SPSB1: variants seen among roughly 807,000 people sequenced by gnomAD.
The protein encoded by SPSB1 is SPRY domain-containing SOCS box protein 1.
Under a neutral mutation model 21.2 loss-of-function variants are expected in SPSB1, and 8 were observed. The observed-to-expected ratio is 0.38, with a 90% CI of 0.22 to 0.68. The LOEUF (loss-of-function observed/expected upper bound fraction) is 0.68, where lower values mean the gene tolerates loss of function less well. Among genes scored for constraint, SPSB1 ranks in the 30% least tolerant of loss-of-function variants. The pLI is 0.53. For missense variants in SPSB1, 242 were observed against 377.8 expected (o/e 0.64, Z 2.98); for synonymous variants, 169 against 161.7 (o/e 1.05, Z -0.34).
chr1:9,323,806 A>G (rs76009333), intron 1 of SPSB1, among the ~76,000 whole-genome samples: 1,845 of 152,234 alleles, frequency 0.012, 36 homozygotes, highest in African/African-American at 0.041. Context: ...GGTCATGAGG[A>G]ATACATTTCT....
At chr1:9,336,705 G>A (rs1344649370) in intron 1 of SPSB1, among the ~76,000 whole-genome samples, 1 of 152,200 alleles carries the variant, frequency 6.6e-6, no homozygotes. Flanking sequence ...GCTCGGGCAG[G>A]TCCCTCACTC....
At chr1:9,337,698 C>T (rs1640026475) in intron 1 of SPSB1, among the ~76,000 whole-genome samples, 1 of 152,224 alleles carries the variant, frequency 6.6e-6, no homozygotes, top group Admixed American at 6.5e-5. Flanking sequence ...GACTCCCTGG[C>T]CACCGGGGCC....
chr1:9,313,680 G>A (rs1639562416), intron 1 of SPSB1, among the ~76,000 whole-genome samples: 1 of 152,230 alleles, frequency 6.6e-6, no homozygotes, highest in Non-Finnish European at 1.5e-5. Flanking sequence ...GAGGGGTCGA[G>A]TGAGCACAGG....
Position 9,367,726 on chromosome 1 carries a change from C to T in SPSB1, c.*151C>T, listed in dbSNP as rs1003561281. On this transcript the variant is annotated 3_prime_UTR_variant, in exon 3 of 3. Coordinates refer to ENST00000328089, the MANE Select transcript of SPSB1 (RefSeq NM_025106.4). This position sits in a 1 kb window ranked among gnomAD's most constrained non-coding sequence, Gnocchi z 5.9. ...TTCCCTCATCCTCCGTGGCTGCCTCCATGGGACAAGGACCGATTCCAACAC... is the reference window on the plus strand; with the variant it reads ...TTCCCTCATCCTCCGTGGCTGCCTCTATGGGACAAGGACCGATTCCAACAC... 2 of 1,248,076 alleles carry T rather than the reference C, an allele frequency of 1.6e-6. No individual in the cohort carries two copies. The highest frequency in any genetic ancestry group is 3.1e-5 in the South Asian group (2 of 63,748). 77.3% of individuals were successfully genotyped at this position (1,248,076 alleles called of 1,614,324 possible).
Position 9,321,469 on chromosome 1 carries a change from A to G in SPSB1, c.-150+28398A>G, listed in dbSNP as rs1437927853. Among the ~76,000 whole-genome samples, 1 of 152,132 alleles carries G rather than the reference A, an allele frequency of 6.6e-6. No homozygotes were observed. The highest frequency in any genetic ancestry group is 1.5e-5 in the Non-Finnish European group (1 of 68,032). ...TCGTCACCTTGGTGCCCGATAGAGA[A>G]GTGTCTCAGCAGTTCTGTTCTCCAG... is the stretch of plus-strand genomic sequence containing the variant. On this transcript the variant is annotated intron_variant, in intron 1 of 2. Transcript: ENST00000328089. This position sits in a 1 kb window ranked among gnomAD's most constrained non-coding sequence, Gnocchi z 4.8.
At chr1:9,311,835 A>G (rs192276609) in intron 1 of SPSB1, among the ~76,000 whole-genome samples, 54 of 152,092 alleles carry the variant, frequency 3.6e-4, no homozygotes, top group Non-Finnish European at 7.4e-4. Context: ...CCTGGGGGGT[A>G]TGAATTTTCT....
intron 2 of SPSB1, among the ~76,000 whole-genome samples, chr1:9,357,818 G>A (rs1037383136): frequency 1.3e-5 from 2 of 152,160 alleles, no homozygotes; most frequent in Admixed American, 6.5e-5. Context: ...AGGGCCTGGC[G>A]TTGCAGAACG....
At position 9,317,919 on chromosome 1, in the gene SPSB1, G is replaced by A. The variant is rs541996099; in HGVS notation, c.-150+24848G>A. ...TTCTTGCTTCCTTGGCACACCATTC[G>A]CTCCGCGAGTTTGTTAAGGGCCCCT... On this transcript the variant is annotated intron_variant, in intron 1 of 2. Coordinates refer to ENST00000328089, the MANE Select transcript of SPSB1 (RefSeq NM_025106.4). This position sits in a 1 kb window ranked among gnomAD's most constrained non-coding sequence, Gnocchi z 4.3. 2.7e-5 allele frequency among the ~76,000 whole-genome samples: 4 copies of A among 149,332 alleles called. No individual in the cohort carries two copies. The highest frequency in any genetic ancestry group is 5.9e-5 in the Non-Finnish European group (4 of 67,804).
intron 1 of SPSB1, among the ~76,000 whole-genome samples, chr1:9,304,423 A>G (rs1209324130): frequency 2.0e-5 from 3 of 152,062 alleles, no homozygotes; most frequent in African/African-American, 4.8e-5. Context: ...TGGGTTTTGC[A>G]TCTCTGGAGA....
intron 2 of SPSB1, among the ~76,000 whole-genome samples, chr1:9,359,371 C>T (rs1640428541): frequency 2.0e-5 from 3 of 152,322 alleles, no homozygotes; most frequent in Admixed American, 6.5e-5. Flanking sequence ...AACCCGACAC[C>T]TCTGGACGCT....
chr1:9,292,910 C>CG lies in SPSB1; in HGVS notation c.-308dup. ...TTCTCCTCCGCACAGAAGTCGCGCTCGGGCAGCCTGCGCGCTCGCAGCAGG... is the reference window on the plus strand; with the variant it reads ...TTCTCCTCCGCACAGAAGTCGCGCTCGGGGCAGCCTGCGCGCTCGCAGCAGG... On this transcript the variant is annotated 5_prime_UTR_variant, in exon 1 of 3. Coordinates refer to ENST00000328089, the MANE Select transcript of SPSB1 (RefSeq NM_025106.4). 1 of 982,922 alleles carries CG rather than the reference C, an allele frequency of 1.0e-6. No individual in the cohort carries two copies. The highest frequency in any genetic ancestry group is 1.2e-6 in the Non-Finnish European group (1 of 829,150). 60.9% of individuals were successfully genotyped at this position (982,922 alleles called of 1,614,324 possible).
chr1:9,362,998 G>C (rs921385013), intron 2 of SPSB1, among the ~76,000 whole-genome samples: 1 of 152,222 alleles, frequency 6.6e-6, no homozygotes, highest in African/African-American at 2.4e-5. Flanking sequence ...AGGCACCTGG[G>C]TTTGTGGCTG....
chr1:9,343,854 C>T lies in SPSB1; in HGVS notation c.-149-11889C>T, dbSNP rs571246535. 3.3e-5 allele frequency among the ~76,000 whole-genome samples: 5 copies of T among 152,234 alleles called. No homozygotes were observed. In the East Asian group the frequency reaches 5.8e-4, roughly 18 times the overall value. On this transcript the variant is annotated intron_variant, in intron 1 of 2. Transcript: ENST00000328089. ...AGGCTGGAGTGCAGTGGCGCGATCT[C>T]GGCTCACTGAAAGCTCCGCCTCCTG...
chr1:9,343,638 T>A (rs1429050125), intron 1 of SPSB1, among the ~76,000 whole-genome samples: 1 of 152,224 alleles, frequency 6.6e-6, no homozygotes. Context: ...TTCTCCGGGC[T>A]CCTTTCTACC....
intron 2 of SPSB1, among the ~76,000 whole-genome samples, chr1:9,360,991 T>A (rs12065293): frequency 0.11 from 16,224 of 151,978 alleles, 1,162 homozygotes; most frequent in East Asian, 0.29. Context: ...GTGCCCATAG[T>A]GAGGTCAGAG....
Position 9,321,504 on chromosome 1 carries a change from G to A in SPSB1, c.-150+28433G>A, listed in dbSNP as rs749030713. ...CAGTTCTGTTCTCCAGACCTTTACC[G>A]AACACTTACTGCGTGCCAAGGATTC... is the stretch of plus-strand genomic sequence containing the variant. On this transcript the variant is annotated intron_variant, in intron 1 of 2. Transcript: ENST00000328089. This position sits in a 1 kb window ranked among gnomAD's most constrained non-coding sequence, Gnocchi z 4.8. 3.0e-4 allele frequency among the ~76,000 whole-genome samples: 46 copies of A among 152,220 alleles called. 1 individual carries two copies. The South Asian group carries it at 5.6e-3, about 19-fold the overall frequency.
intron 1 of SPSB1, among the ~76,000 whole-genome samples, chr1:9,312,164 T>G (rs1023367873): frequency 1.3e-5 from 2 of 148,530 alleles, no homozygotes; most frequent in African/African-American, 5.2e-5. Flanking sequence ...TATTTTAATT[T>G]TTTAATTTTT....
At chr1:9,314,924 C>G (rs957550493) in intron 1 of SPSB1, among the ~76,000 whole-genome samples, 3 of 152,234 alleles carry the variant, frequency 2.0e-5, no homozygotes, top group African/African-American at 7.2e-5. Flanking sequence ...GTCCTGCACA[C>G]AGGAGTGGCC....
Position 9,356,089 on chromosome 1 carries a change from T to C in SPSB1, c.198T>C (p.Phe66=), listed in dbSNP as rs1640357126. ...WNNNDRSLNV[F]VKEDDKLIFH... is the part of the protein sequence containing the mutation. ...ACAACGACCGATCGCTCAATGTCTT[T>C]GTGAAGGAGGACGACAAGCTCATCT... The change falls in exon 2 of 3, where the codon TTT becomes TTC. Residue 66 remains phenylalanine (F), a synonymous_variant. Transcript: ENST00000328089. This position sits in a 1 kb window ranked among gnomAD's most constrained non-coding sequence, Gnocchi z 7.4. 1 of 1,610,468 alleles carries C rather than the reference T, an allele frequency of 6.2e-7. No homozygotes were observed. The highest frequency in any genetic ancestry group is 2.2e-5 in the East Asian group (1 of 44,784).
Sources: allele counts gnomAD v4.1 joint callset (sites outside exome capture counted in the v4.1 genomes callset), GRCh38; gene constraint gnomAD v4.1.1; non-coding constraint Gnocchi (gnomAD v3.1); transcripts MANE v1.5; gene names NCBI Gene and HGNC (gene_info 2026-07-23, HGNC 2026-07-21).